The following DNAH12 variants were observed in gnomAD, a reference collection of about 807,000 sequenced individuals.
DNAH12 encodes the protein axonemal beta dynein heavy chain 12.
Under a neutral mutation model 371.5 loss-of-function variants are expected in DNAH12, and 285 were observed. The ratio of observed to expected loss-of-function variants is 0.77; its 90% CI spans 0.70 to 0.85. DNAH12 has a LOEUF of 0.85. DNAH12 is among the 40% of genes least tolerant of loss of function. DNAH12 has a pLI of 0.00. For missense variants in DNAH12, 3,611 were observed against 3,689.4 expected, an observed-to-expected ratio of 0.98 and a Z score of 0.55; for synonymous variants, 1,200 against 1,213.0, an observed-to-expected ratio of 0.99 and a Z score of 0.22.
intron 7 of DNAH12, 23 bp from the exon 8 acceptor site, chr3:57,507,861 T>G: frequency 1.3e-6 from 2 of 1,546,060 alleles, no homozygotes; most frequent in East Asian, 4.7e-5. Context: ...AAAAGAAATG[T>G]GATTTGAAGC....
At chr3:57,298,367 T>G (rs1055879701) in intron 70 of DNAH12, among the ~76,000 whole-genome samples, 1 of 152,120 alleles carries the variant, frequency 6.6e-6, no homozygotes, top group African/African-American at 2.4e-5. Flanking sequence ...GAGGCCAGAG[T>G]TGCTGTTGCT....
At chr3:57,361,444 C>CACTATACATATA (rs1409626573) in intron 58 of DNAH12, among the ~76,000 whole-genome samples, 1 of 116,722 alleles carries the variant, frequency 8.6e-6, no homozygotes, top group African/African-American at 4.2e-5. Flanking sequence ...CACACACACA[C>CACTATACATATA]TATATATATA....
chr3:57,494,996 A>G (rs1193253207), intron 11 of DNAH12, among the ~76,000 whole-genome samples: 1 of 123,650 alleles, frequency 8.1e-6, no homozygotes, highest in African/African-American at 3.0e-5. Context: ...GCAACAAAGC[A>G]AGACCCTGTC....
rs1202115574 is a variant in DNAH12 at position 57,510,944 on chromosome 3, A to G, written c.315T>C (p.Ser105=). The part of the protein sequence containing the change: ...NYIYMKQCVE[S]SPLVPIQQEW... ...CCTGCTGAATAGGTACTAAAGGACTACTTTCTACACATTGCTTCATATAAA... is the reference window on the plus strand; with the variant it reads ...CCTGCTGAATAGGTACTAAAGGACTGCTTTCTACACATTGCTTCATATAAA... The change falls in exon 5 of 74, where the codon AGT becomes AGC. Residue 105 remains serine, a synonymous_variant. Transcript: ENST00000495027. The G allele has an allele frequency of 6.2e-7, 1 of 1,607,190 alleles. No individual in the cohort carries two copies. The highest frequency in any genetic ancestry group is 1.7e-5 in the Admixed American group (1 of 57,288).
intron 22 of DNAH12, among the ~76,000 whole-genome samples, chr3:57,456,240 A>G (rs1177087628): frequency 6.6e-6 from 1 of 152,190 alleles, no homozygotes; most frequent in African/African-American, 2.4e-5. Context: ...ATAAATAGTA[A>G]AAGGAGAGAA....
intron 4 of DNAH12, chr3:57,519,676 C>A (rs1009635799): frequency 1.1e-4 from 173 of 1,596,736 alleles, no homozygotes; most frequent in Non-Finnish European, 1.5e-4. Flanking sequence ...CTCTCATTTG[C>A]CGATTCTTTG....
chr3:57,398,318 T>C (rs1406344518), intron 43 of DNAH12, among the ~76,000 whole-genome samples: 1 of 152,118 alleles, frequency 6.6e-6, no homozygotes, highest in African/African-American at 2.4e-5. Context: ...GACCAATATA[T>C]GCATTATGGA....
chr3:57,434,051 C>A (rs1057390781), intron 30 of DNAH12, among the ~76,000 whole-genome samples: 14 of 152,070 alleles, frequency 9.2e-5, no homozygotes, highest in African/African-American at 3.4e-4. Flanking sequence ...ATATAATAAA[C>A]AATCTCCAAA....
rs751100927 is a variant in DNAH12 at position 57,444,726 on chromosome 3, C to T, written c.4516G>A (p.Gly1506Ser). The stretch of plus-strand genomic sequence containing the variant: ...TAGTCAGCTTCAGGAAGTTTAATAC[C>T]AGGAAATAAGTCACTAGTTATTCCA... ...FNGITSDLFPGIKLPEADYHE... is the reference protein window; with the variant it reads ...FNGITSDLFPSIKLPEADYHE... Residue 1506 changes from glycine to serine, a missense_variant, in exon 29 of 74, where the codon GGT becomes AGT. Gly to Ser is a moderately conservative substitution (Grantham distance 56). This residue lies in a region of DNAH12 where 2,266 missense variants were observed against 2,236.9 expected (regional missense o/e 1.01). Coordinates refer to ENST00000495027, the MANE Select transcript of DNAH12 (RefSeq NM_001366028.2). The T allele has an allele frequency of 1.1e-5, 17 of 1,549,476 alleles. No individual in the cohort carries two copies. In the South Asian group the frequency reaches 1.8e-4, roughly 16 times the overall value.
chr3:57,368,584 T>C (rs1486350416), intron 55 of DNAH12, among the ~76,000 whole-genome samples: 1 of 152,178 alleles, frequency 6.6e-6, no homozygotes, highest in Non-Finnish European at 1.5e-5. Context: ...GCTGTCTTCA[T>C]GGTAACTTTA....
chr3:57,336,708 A>T (rs2062231925), intron 60 of DNAH12, among the ~76,000 whole-genome samples: 1 of 152,206 alleles, frequency 6.6e-6, no homozygotes, highest in Non-Finnish European at 1.5e-5. Flanking sequence ...AAGTGTCTGT[A>T]AAAGATAATG....
chr3:57,430,223 ATTGCCATTACCTTTTTAAAAAAACAGTT>A (rs950853213), intron 32 of DNAH12, among the ~76,000 whole-genome samples: 3 of 152,160 alleles, frequency 2.0e-5, no homozygotes, highest in Non-Finnish European at 2.9e-5. Flanking sequence ...ATTTTGCCAT[ATTGCCATTACCTTTTTAAAAAAACAGTT>A]TAAAGAGCAT....
At chr3:57,385,715 C>T (rs1426803794) in intron 47 of DNAH12, among the ~76,000 whole-genome samples, 5 of 152,084 alleles carry the variant, frequency 3.3e-5, no homozygotes, top group African/African-American at 1.2e-4. Flanking sequence ...AATCCCATCT[C>T]TACTAAAAAT....
chr3:57,425,250 C>CT (rs541818435), intron 34 of DNAH12, 109 bp from the exon 35 acceptor site: 409 of 587,422 alleles, frequency 7.0e-4, no homozygotes, highest in East Asian at 1.2e-3. Flanking sequence ...TTAATAAGGT[C>CT]TTTTTTTTTG....
At chr3:57,347,633 T>C (rs944164673) in intron 60 of DNAH12, among the ~76,000 whole-genome samples, 2 of 151,322 alleles carry the variant, frequency 1.3e-5, no homozygotes, top group African/African-American at 2.4e-5. Context: ...GGAGAATCGA[T>C]TGAACCCAGG....
intron 69 of DNAH12, among the ~76,000 whole-genome samples, chr3:57,306,335 G>A (rs563702994): frequency 1.4e-3 from 214 of 152,074 alleles, no homozygotes; most frequent in African/African-American, 4.1e-3. Context: ...GGGTATTGAC[G>A]GCCAGGCTTC....
At chr3:57,419,018 T>G (rs1415152443) in intron 37 of DNAH12, among the ~76,000 whole-genome samples, 1 of 152,244 alleles carries the variant, frequency 6.6e-6, no homozygotes, top group Non-Finnish European at 1.5e-5. Flanking sequence ...TAGGAGAATG[T>G]GGATCATGGT....
chr3:57,336,653 T>C (rs971684166), intron 60 of DNAH12, among the ~76,000 whole-genome samples: 3 of 152,248 alleles, frequency 2.0e-5, no homozygotes, highest in Admixed American at 2.0e-4. Context: ...AATGGTAACT[T>C]TGTAGGTAAA....
chr3:57,533,511 A>G (rs1277194146), intron 2 of DNAH12, among the ~76,000 whole-genome samples: 13 of 148,026 alleles, frequency 8.8e-5, no homozygotes, highest in Admixed American at 8.7e-4. Context: ...ACAGTGTACT[A>G]CCTGAGTATT....
Sources: allele counts gnomAD v4.1 joint callset (sites outside exome capture counted in the v4.1 genomes callset), GRCh38; gene constraint gnomAD v4.1.1; regional missense constraint gnomAD v4.1.1; transcripts MANE v1.5; gene names NCBI Gene and HGNC (gene_info 2026-07-23, HGNC 2026-07-21).